Variants in GPC6 observed in about 807,000 individuals in gnomAD.
GPC6 encodes the protein glypican 6.
Under a neutral mutation model 55.2 loss-of-function variants are expected in GPC6, and 14 were observed. That is an observed-to-expected ratio of 0.25 (90% CI 0.17 to 0.40). The LOEUF (loss-of-function observed/expected upper bound fraction) is 0.40. Among genes scored for constraint, GPC6 ranks in the 10% least tolerant of loss-of-function variants. The probability of loss-of-function intolerance (pLI) is 1.00; values close to 1 mark genes in which losing one functional copy is unlikely to be tolerated. For missense variants in GPC6, 641 were observed against 708.5 expected (o/e 0.90, Z 1.08); for synonymous variants, 278 against 259.6 (o/e 1.07, Z -0.68).
chr13:93,810,363 A>G (rs77173074), intron 2 of GPC6, among the ~76,000 whole-genome samples: 5,142 of 152,276 alleles, frequency 0.034, 275 homozygotes, highest in African/African-American at 0.11. Flanking sequence ...AGATTTCTGC[A>G]CAAACCCAAA....
chr13:93,512,628 T>C (rs572202729), intron 1 of GPC6, among the ~76,000 whole-genome samples: 1 of 152,188 alleles, frequency 6.6e-6, no homozygotes, highest in South Asian at 2.1e-4. Flanking sequence ...TTTTCTTTTT[T>C]TGTTGTGTCA....
intron 2 of GPC6, among the ~76,000 whole-genome samples, chr13:93,613,528 A>AC (rs1461702620): frequency 1.5e-4 from 18 of 117,450 alleles, no homozygotes; most frequent in East Asian, 2.9e-4. Context: ...ACACACACAC[A>AC]AAACACACAC....
chr13:93,676,122 AAAAAATATATAT>A (rs1250124800), intron 2 of GPC6, among the ~76,000 whole-genome samples: 2 of 12,152 alleles, frequency 1.6e-4, no homozygotes, highest in South Asian at 3.2e-3. Flanking sequence ...AAAAAAAAAA[AAAAAATATATAT>A]ATATATATAT....
At chr13:94,293,798 C>T (rs1875150575) in intron 5 of GPC6, among the ~76,000 whole-genome samples, 1 of 152,202 alleles carries the variant, frequency 6.6e-6, no homozygotes, top group South Asian at 2.1e-4. Context: ...CTGTCAGATT[C>T]AAAGACAAAG....
intron 4 of GPC6, among the ~76,000 whole-genome samples, chr13:94,169,050 G>A (rs1234796914): frequency 2.0e-5 from 3 of 152,218 alleles, no homozygotes; most frequent in Non-Finnish European, 4.4e-5. Context: ...CGCTATTAAG[G>A]AAGGCAGACT....
At chr13:94,180,646 C>T (rs1202894790) in intron 4 of GPC6, among the ~76,000 whole-genome samples, 1 of 152,024 alleles carries the variant, frequency 6.6e-6, no homozygotes, top group Non-Finnish European at 1.5e-5. Flanking sequence ...TTTATTTGTC[C>T]TTAGCAATTT....
intron 2 of GPC6, among the ~76,000 whole-genome samples, chr13:93,715,293 A>T (rs969416173): frequency 6.6e-6 from 1 of 151,708 alleles, no homozygotes; most frequent in African/African-American, 2.4e-5. Context: ...AAAAGAATGA[A>T]ATCCTGTCCT....
intron 1 of GPC6, among the ~76,000 whole-genome samples, chr13:93,229,723 T>G (rs974578303): frequency 7.2e-5 from 11 of 152,280 alleles, no homozygotes; most frequent in African/African-American, 2.6e-4. Context: ...ACTTTTTTTT[T>G]TTTAAACTCA....
chr13:94,181,475 A>C (rs1056401435), intron 4 of GPC6, among the ~76,000 whole-genome samples: 1 of 152,160 alleles, frequency 6.6e-6, no homozygotes, highest in Non-Finnish European at 1.5e-5. Context: ...GATTTTATTT[A>C]TTTTTCATAA....
intron 4 of GPC6, among the ~76,000 whole-genome samples, chr13:94,261,532 T>C (rs1352774588): frequency 6.6e-6 from 1 of 152,116 alleles, no homozygotes; most frequent in African/African-American, 2.4e-5. Flanking sequence ...TTTTTAAAAA[T>C]CACAATGAAA....
intron 3 of GPC6, among the ~76,000 whole-genome samples, chr13:93,841,658 GAT>G (rs1220108080): frequency 6.6e-6 from 1 of 152,160 alleles, no homozygotes; most frequent in African/African-American, 2.4e-5. Context: ...GAAATCAGTA[GAT>G]ACTGCCAAGT....
intron 3 of GPC6, among the ~76,000 whole-genome samples, chr13:93,975,411 G>T (rs192013127): frequency 3.5e-3 from 530 of 152,176 alleles, no homozygotes; most frequent in Non-Finnish European, 5.8e-3. Context: ...AGTGCTGGGA[G>T]CATTTCCGTA....
In GPC6 at chr13:93,576,820, T is replaced by C. The variant is rs1209115159; in HGVS notation, c.319+31399T>C. Among the ~76,000 whole-genome samples, 3 of 152,296 alleles carry C rather than the reference T, an allele frequency of 2.0e-5. No homozygotes were observed. The East Asian group carries it at 5.8e-4, about 29-fold the overall frequency. Reference sequence around the variant, plus strand: ...AGAATGTGTAATGCATTTATCATTGTATATATTGCATTGTTGAGTGTATTA... The same window carrying C: ...AGAATGTGTAATGCATTTATCATTGCATATATTGCATTGTTGAGTGTATTA... On this transcript the variant is annotated intron_variant, in intron 2 of 8. Coordinates refer to ENST00000377047, the MANE Select transcript of GPC6 (RefSeq NM_005708.5).
At chr13:94,118,777 G>C (rs1385740755) in intron 4 of GPC6, among the ~76,000 whole-genome samples, 1 of 152,042 alleles carries the variant, frequency 6.6e-6, no homozygotes, top group Non-Finnish European at 1.5e-5. Context: ...CTGTCTCTAA[G>C]GGAGTTCAAC....
intron 4 of GPC6, among the ~76,000 whole-genome samples, chr13:94,076,753 T>G (rs148744176): frequency 1.6e-4 from 24 of 152,026 alleles, no homozygotes; most frequent in Middle Eastern, 3.4e-3. Flanking sequence ...CCACTGTGTA[T>G]TTTTGGTACC....
intron 4 of GPC6, among the ~76,000 whole-genome samples, chr13:94,036,145 T>C (rs1353964075): frequency 1.3e-5 from 2 of 151,986 alleles, no homozygotes; most frequent in African/African-American, 4.8e-5. Context: ...ATTTAAGCTT[T>C]TGGGAAGCTT....
At chr13:93,319,654 CAAATA>C (rs559995904) in intron 1 of GPC6, among the ~76,000 whole-genome samples, 65 of 151,988 alleles carry the variant, frequency 4.3e-4, no homozygotes, top group African/African-American at 1.4e-3. Context: ...AAGAGCAGAA[CAAATA>C]AAATAAATTC....
intron 3 of GPC6, among the ~76,000 whole-genome samples, chr13:93,850,768 T>A (rs1261142417): frequency 2.0e-5 from 3 of 151,980 alleles, no homozygotes; most frequent in African/African-American, 7.2e-5. Flanking sequence ...TTGACCCTAA[T>A]TAGTTGTCTG....
intron 3 of GPC6, among the ~76,000 whole-genome samples, chr13:93,938,221 A>C (rs1392753348): frequency 1.3e-5 from 2 of 152,176 alleles, no homozygotes; most frequent in African/African-American, 4.8e-5. Context: ...AACAGAAGCA[A>C]ACCTAATTTG....
Sources: gnomAD v4.1 joint callset for allele counts (sites outside exome capture counted in the v4.1 genomes callset) on GRCh38, gnomAD v4.1.1 for gene constraint, MANE v1.5 for transcripts, NCBI Gene and HGNC (gene_info 2026-07-23, HGNC 2026-07-21) for gene names.